The following DNAJB2 variants were observed in gnomAD, a reference collection of about 807,000 sequenced individuals.
DNAJB2 encodes dnaJ homolog subfamily B member 2.
A neutral mutation model predicts 33.3 loss-of-function variants in DNAJB2; 19 were observed. That is an observed-to-expected ratio of 0.57 (90% confidence interval 0.40 to 0.84). DNAJB2 has a LOEUF of 0.84. Ranked by LOEUF, DNAJB2 falls within the 40% of genes least tolerant of loss-of-function variation. The pLI is 0.00. For missense variants in DNAJB2, 368 were observed against 430.9 expected (o/e 0.85, Z 1.29); for synonymous variants, 172 against 164.6 (o/e 1.04, Z -0.34).
At chr2:219,280,469 G>T in intron 2 of DNAJB2, 109 bp from the exon 3 acceptor site, 1 of 781,814 alleles carries the variant, frequency 1.3e-6, no homozygotes. Flanking sequence ...CTGGGACCCG[G>T]GGGTGAAAGG....
Position 219,282,842 on chromosome 2 carries a change from C to A in DNAJB2, c.358C>A (p.Leu120Met). 1 of 1,584,162 alleles carries A rather than the reference C, an allele frequency of 6.3e-7. No homozygotes were observed. Among genetic ancestry groups the A allele is most frequent in the Non-Finnish European group, 8.6e-7 (1 of 1,169,502 alleles). Residue 120 changes from leucine to methionine, a missense_variant, in exon 6 of 9, where the codon CTG (leucine) becomes ATG (methionine). Transcript: ENST00000336576. ...GDPFAELFDD[L>M]GPFSELQNRG... ...AATCTGTTTACTTGTTGCAGATGACCTGGGCCCCTTCTCAGAGCTTCAGAA... is the reference window on the plus strand; with the variant it reads ...AATCTGTTTACTTGTTGCAGATGACATGGGCCCCTTCTCAGAGCTTCAGAA...
At position 219,282,705 on chromosome 2, in the gene DNAJB2, A is replaced by C. The variant is rs1033701798; in HGVS notation, c.353-132A>C. ...AACATTAAAAAGGAATTTATAAATA[A>C]GCCCAACTAAAAAGCGGAAAAGAAA... On this transcript the variant is annotated intron_variant, in intron 5 of 8. Coordinates refer to ENST00000336576, the MANE Select transcript of DNAJB2 (RefSeq NM_006736.6). 7 of 731,764 alleles carry C rather than the reference A, an allele frequency of 9.6e-6. No homozygotes were observed. In the East Asian group the frequency reaches 2.0e-4, roughly 21 times the overall value. 45.3% of individuals were successfully genotyped at this position (731,764 alleles called of 1,614,324 possible). A position where few individuals can be genotyped will look rare whatever the true frequency, so the allele number is the denominator to read the frequency against.
intron 8 of DNAJB2, among the ~76,000 whole-genome samples, chr2:219,284,165 G>A (rs868079821): frequency 6.6e-6 from 1 of 151,868 alleles, no homozygotes; most frequent in Non-Finnish European, 1.5e-5. Context: ...CTACAGCCTC[G>A]ACCTCCTCGG....
chr2:219,283,535 C>T (rs1463075856), intron 8 of DNAJB2, 46 bp downstream of exon 8: 3 of 1,579,836 alleles, frequency 1.9e-6, no homozygotes, highest in Non-Finnish European at 1.7e-6. Context: ...AAGCCCCAGC[C>T]CCAACCTCAG....
rs1354610022 is a variant in DNAJB2, at chr2:219,285,377, G to A, written c.*390G>A. On this transcript the variant is annotated 3_prime_UTR_variant, in exon 9 of 9. Coordinates refer to ENST00000336576, the MANE Select transcript of DNAJB2 (RefSeq NM_006736.6). Reference sequence around the variant, plus strand: ...GCCTAGGGTTGTCTGAGCCGGAGCCGGCAGCTCCACTGGAGAGCAGTGCAG... The same window carrying A: ...GCCTAGGGTTGTCTGAGCCGGAGCCAGCAGCTCCACTGGAGAGCAGTGCAG... The A allele has an allele frequency of 9.9e-6, 10 of 1,014,230 alleles. No individual in the cohort carries two copies. The highest frequency in any genetic ancestry group is 9.6e-5 in the East Asian group (1 of 10,368). 62.8% of individuals were successfully genotyped at this position (1,014,230 alleles called of 1,614,324 possible).
Position 219,284,740 on chromosome 2 carries a change from G to C in DNAJB2, c.728G>C (p.Cys243Ser), listed in dbSNP as rs780092806. Residue 243 changes from cysteine (C) to serine (S), a missense_variant, in exon 9 of 9, where the codon TGC becomes TCC. Transcript: ENST00000336576. The stretch of plus-strand genomic sequence containing the variant: ...CAGGTCCAGCAGACCCCTGCCTCAT[G>C]CCCCTTGGACAGCGACCTCTCTGAG... ...GTQVQQTPAS[C>S]PLDSDLSEDE... 4 of 1,613,576 alleles carry C rather than the reference G, an allele frequency of 2.5e-6. No homozygotes were observed. The South Asian group carries it at 3.3e-5, about 13-fold the overall frequency.
In DNAJB2 at chr2:219,285,480, C is replaced by T. The variant is rs1031890128; in HGVS notation, c.*493C>T. On this transcript the variant is annotated 3_prime_UTR_variant, in exon 9 of 9. Coordinates refer to ENST00000336576, the MANE Select transcript of DNAJB2 (RefSeq NM_006736.6). The stretch of plus-strand genomic sequence containing the variant: ...TTTCTGTGCCATGTTGCGCTCTGAC[C>T]GTCTCTGTTGCTTCTCTTCTGGTGT... The T allele has an allele frequency of 4.0e-6, 4 of 1,006,434 alleles. No homozygotes were observed. The highest frequency in any genetic ancestry group is 3.6e-6 in the Non-Finnish European group (3 of 843,792). The allele number at this position is 1,006,434 out of a possible 1,614,324, so 62.3% of individuals were successfully genotyped here.
Position 219,285,267 on chromosome 2 carries a change from G to T in DNAJB2, c.*280G>T. 8.6e-7 allele frequency: 1 copy of T among 1,159,044 alleles called. No homozygotes were observed. Among genetic ancestry groups the T allele is most frequent in the Non-Finnish European group, 1.1e-6 (1 of 939,930 alleles). The allele number at this position is 1,159,044 out of a possible 1,614,324, so 71.8% of individuals were successfully genotyped here. On this transcript the variant is annotated 3_prime_UTR_variant, in exon 9 of 9. Transcript: ENST00000336576. ...GCATTTATTGGATGGGGAGCTCCAA[G>T]GGGCATTAGTGGTTTGGGCTGGGCC...
At chr2:219,280,851 CCA>C in intron 3 of DNAJB2, 164 bp downstream of exon 3, 1 of 610,550 alleles carries the variant, frequency 1.6e-6, no homozygotes. Flanking sequence ...TGTCTGCTCC[CCA>C]GAGTCTGGTA....
At chr2:219,284,468 G>T (rs768471003) in intron 8 of DNAJB2, among the ~76,000 whole-genome samples, 164 bp from the exon 9 acceptor site, 6 of 152,252 alleles carry the variant, frequency 3.9e-5, no homozygotes, top group African/African-American at 7.2e-5. Flanking sequence ...TGGTAGAGCT[G>T]AATACTTCCT....
rs1326005240 is a variant in DNAJB2, at chr2:219,282,901, C to T, written c.417C>T (p.Thr139=). Residue 139 remains threonine (T), a synonymous_variant, in exon 6 of 9, where the codon ACC becomes ACT. Transcript: ENST00000336576. ...RGSRHSGPFF[T]FSSSFPGHSD... ...CCCGACACTCAGGCCCCTTCTTTAC[C>T]TTCTCTTCCTCCTTCCCTGGGCACT... 1.2e-6 allele frequency: 2 copies of T among 1,605,460 alleles called. No individual in the cohort carries two copies. Among genetic ancestry groups the T allele is most frequent in the Non-Finnish European group, 1.7e-6 (2 of 1,177,090 alleles).
At chr2:219,281,408 T>C (rs1301491244) in intron 3 of DNAJB2, 1 of 369,776 alleles carries the variant, frequency 2.7e-6, no homozygotes, top group African/African-American at 2.0e-5. Flanking sequence ...TTAGCTAACA[T>C]TTATTGAACA....
Position 219,279,666 on chromosome 2 carries a change from C to T in DNAJB2, c.-36-132C>T, listed in dbSNP as rs1018783837. ...ATAAGGCTGCCGGAGGGAGCCTAGT[C>T]ACCGGCCGCAAGCAGAGCCCGGTGT... On this transcript the variant is annotated intron_variant, in intron 1 of 8. Transcript: ENST00000336576. This position sits in a 1 kb window ranked among gnomAD's most constrained non-coding sequence, Gnocchi z 4.9. 6.4e-5 allele frequency: 43 copies of T among 670,414 alleles called. No homozygotes were observed. The highest frequency in any genetic ancestry group is 5.6e-5 in the South Asian group (3 of 53,206). 41.5% of individuals were successfully genotyped at this position (670,414 alleles called of 1,614,324 possible).
chr2:219,283,110 C>T (rs767736834), intron 6 of DNAJB2, 23 bp from the exon 7 acceptor site: 2 of 1,613,454 alleles, frequency 1.2e-6, no homozygotes, highest in East Asian at 2.2e-5. Flanking sequence ...ACCTCTCCTC[C>T]TCCTCCCTTG....
At position 219,280,693 on chromosome 2, in the gene DNAJB2, G is replaced by T; in HGVS notation, c.175+6G>T. 2 of 1,606,362 alleles carry T rather than the reference G, an allele frequency of 1.2e-6. No homozygotes were observed. Among genetic ancestry groups the T allele is most frequent in the East Asian group, 2.2e-5 (1 of 44,830 alleles). On this transcript the variant is annotated splice_donor_region_variant and intron_variant, in intron 3 of 8. Transcript: ENST00000336576. ...ATATGAAGTGCTGTCTGACAGTAAG[G>T]GCCGGGGTCAGGCAGGACCCAGCAC...
rs1237734013 is a variant in DNAJB2 at position 219,285,601 on chromosome 2, C to T, written c.*614C>T. ...CTAGGACTCCCTTCTTCCTTCCTTC[C>T]CCGAGAAGGCCTCAATGTGGCGAGG... On this transcript the variant is annotated 3_prime_UTR_variant, in exon 9 of 9. Transcript: ENST00000336576. The T allele has an allele frequency of 9.4e-7, 1 of 1,069,188 alleles. No individual in the cohort carries two copies. Among genetic ancestry groups the T allele is most frequent in the Non-Finnish European group, 1.1e-6 (1 of 883,106 alleles). 66.2% of individuals were successfully genotyped at this position (1,069,188 alleles called of 1,614,324 possible).
chr2:219,282,813 T>G (rs201436471), intron 5 of DNAJB2, 24 bp from the exon 6 acceptor site: 1 of 1,550,020 alleles, frequency 6.5e-7, no homozygotes, highest in African/African-American at 1.4e-5. Context: ...ACCAGATGAC[T>G]GCTAATCTGT....
chr2:219,281,638 G>A, intron 3 of DNAJB2, 80 bp from the exon 4 acceptor site: 1 of 1,590,148 alleles, frequency 6.3e-7, no homozygotes. Flanking sequence ...GTCAGTCTCT[G>A]GACAATCCTT....
chr2:219,281,866 T>C, intron 4 of DNAJB2, 73 bp from the exon 5 acceptor site: 1 of 1,601,162 alleles, frequency 6.2e-7, no homozygotes, highest in Non-Finnish European at 8.5e-7. Context: ...GGCTCCTGGC[T>C]GTGCCTTAGG....
Sources: gnomAD v4.1 joint callset for allele counts (sites outside exome capture counted in the v4.1 genomes callset) on GRCh38, gnomAD v4.1.1 for gene constraint, Gnocchi (gnomAD v3.1) non-coding constraint, MANE v1.5 for transcripts, NCBI Gene and HGNC (gene_info 2026-07-23, HGNC 2026-07-21) for gene names.